The following MAP4K5 variants were observed in gnomAD, a reference collection of about 807,000 sequenced individuals.
The protein encoded by MAP4K5 is MAPK/ERK kinase kinase kinase 5.
A neutral mutation model predicts 135.6 loss-of-function variants in MAP4K5; 82 were observed. That is an observed-to-expected ratio of 0.60 (90% CI 0.51 to 0.73). The LOEUF (loss-of-function observed/expected upper bound fraction) is 0.73. Among genes scored for constraint, MAP4K5 ranks in the 30% least tolerant of loss-of-function variants. The pLI is 0.00. For synonymous variants in MAP4K5, 347 were observed against 335.0 expected (o/e 1.04, Z -0.39); for missense variants, 907 against 1,010.9 (o/e 0.90, Z 1.39).
At chr14:50,482,574 C>T (rs2037270126) in intron 5 of MAP4K5, 158 bp from the exon 6 acceptor site, 9 of 503,416 alleles carry the variant, frequency 1.8e-5, no homozygotes, top group Middle Eastern at 5.7e-4. Flanking sequence ...GTCAAGAGCT[C>T]GAGACTATCC....
At chr14:50,469,356 G>A (rs1191894378) in intron 9 of MAP4K5, among the ~76,000 whole-genome samples, 1 of 152,182 alleles carries the variant, frequency 6.6e-6, no homozygotes, top group Non-Finnish European at 1.5e-5. Flanking sequence ...AAATAAGTCT[G>A]TAATGGACAG....
At chr14:50,512,052 T>A (rs1367889094) in intron 2 of MAP4K5, among the ~76,000 whole-genome samples, 1 of 152,092 alleles carries the variant, frequency 6.6e-6, no homozygotes, top group Non-Finnish European at 1.5e-5. Flanking sequence ...TGAACTATAG[T>A]TAATAATATA....
Position 50,437,458 on chromosome 14 carries a change from G to C in MAP4K5, c.1882+18C>G, listed in dbSNP as rs1363192079. On this transcript the variant is annotated intron_variant, in intron 26 of 32. Coordinates refer to ENST00000682126, the MANE Select transcript of MAP4K5 (RefSeq NM_006575.6). ...TAAAAGTTCTAACCATTCAGTTTGA[G>C]AAATACCATTTACTCACCTATGCAA... The C allele has an allele frequency of 6.3e-7, 1 of 1,575,700 alleles. No individual in the cohort carries two copies. Among genetic ancestry groups the C allele is most frequent in the Admixed American group, 1.8e-5 (1 of 55,884 alleles).
intron 21 of MAP4K5, among the ~76,000 whole-genome samples, chr14:50,442,078 G>C (rs1313138263): frequency 1.3e-5 from 2 of 152,026 alleles, no homozygotes; most frequent in African/African-American, 4.8e-5. Flanking sequence ...TCCAAACCCA[G>C]ATTTATTTGA....
At chr14:50,523,892 C>A (rs1400649664) in intron 2 of MAP4K5, among the ~76,000 whole-genome samples, 1 of 152,152 alleles carries the variant, frequency 6.6e-6, no homozygotes, top group Admixed American at 6.5e-5. Context: ...CATCCCAGCT[C>A]CCATTCATTA....
chr14:50,489,787 A>G (rs1333327992), intron 3 of MAP4K5, among the ~76,000 whole-genome samples: 1 of 152,084 alleles, frequency 6.6e-6, no homozygotes, highest in Non-Finnish European at 1.5e-5. Flanking sequence ...AACCATGGAG[A>G]CTCGGTCAGT....
Position 50,445,261 on chromosome 14 carries a change from G to C in MAP4K5, c.1186-67C>G. 6 of 1,455,686 alleles carry C rather than the reference G, an allele frequency of 4.1e-6. No homozygotes were observed. In the South Asian group the frequency reaches 7.6e-5, roughly 18 times the overall value. The allele number at this position is 1,455,686 out of a possible 1,614,324, so 90.2% of individuals were successfully genotyped here. A position where few individuals can be genotyped will look rare whatever the true frequency, so the allele number is the denominator to read the frequency against. On this transcript the variant is annotated intron_variant, in intron 17 of 32. Transcript: ENST00000682126. ...TAGGCATCAGAGTCTTTAGGGAAAGGGAAATGCACCTTTTTTCATTCTTCT... is the reference window on the plus strand; with the variant it reads ...TAGGCATCAGAGTCTTTAGGGAAAGCGAAATGCACCTTTTTTCATTCTTCT...
At chr14:50,516,745 G>A (rs1271781407) in intron 2 of MAP4K5, among the ~76,000 whole-genome samples, 2 of 152,048 alleles carry the variant, frequency 1.3e-5, no homozygotes, top group African/African-American at 2.4e-5. Context: ...GCTTTTCTGC[G>A]ATAAGCAAAT....
At chr14:50,422,513 G>C (rs2035756093) in intron 32 of MAP4K5, among the ~76,000 whole-genome samples, 1 of 151,938 alleles carries the variant, frequency 6.6e-6, no homozygotes, top group Admixed American at 6.6e-5. Context: ...GGGAAAAGAG[G>C]AAGGAATGGG....
chr14:50,485,665 T>C (rs1469107182), intron 4 of MAP4K5, 23 bp from the exon 5 acceptor site: 2 of 1,382,358 alleles, frequency 1.4e-6, no homozygotes, highest in East Asian at 5.0e-5. Context: ...AAAAAGAAAA[T>C]TATATTAGCT....
At chr14:50,428,190 T>C (rs2035887057) in intron 30 of MAP4K5, among the ~76,000 whole-genome samples, 1 of 152,194 alleles carries the variant, frequency 6.6e-6, no homozygotes, top group African/African-American at 2.4e-5. Context: ...AATGTAGCAC[T>C]AATCATGTTT....
chr14:50,506,970 C>T (rs78507987), intron 2 of MAP4K5, among the ~76,000 whole-genome samples: 279 of 152,226 alleles, frequency 1.8e-3, no homozygotes, highest in African/African-American at 6.4e-3. Context: ...GCTATGTGCA[C>T]GTAGATTTAG....
At chr14:50,530,719 C>T (rs1247163315) in intron 2 of MAP4K5, among the ~76,000 whole-genome samples, 1 of 152,202 alleles carries the variant, frequency 6.6e-6, no homozygotes. Context: ...CAATTCATCA[C>T]CTCAGTACCT....
At chr14:50,509,539 T>C (rs1401217313) in intron 2 of MAP4K5, among the ~76,000 whole-genome samples, 5 of 152,174 alleles carry the variant, frequency 3.3e-5, no homozygotes, top group Admixed American at 3.3e-4. Flanking sequence ...ACACATTTAA[T>C]GTCTTAAAGA....
At chr14:50,481,115 G>A (rs1233747317) in intron 6 of MAP4K5, among the ~76,000 whole-genome samples, 1 of 151,162 alleles carries the variant, frequency 6.6e-6, no homozygotes, top group Non-Finnish European at 1.5e-5. Flanking sequence ...AATACTTAGG[G>A]AAACAATGAA....
Position 50,440,059 on chromosome 14 carries a change from C to T in MAP4K5, c.1659G>A (p.Lys553=). The stretch of plus-strand genomic sequence containing the variant: ...TATTGATAACATACAGCCAAGTACA[C>T]TTCCGTGGAAATAACTAAGAAAAAG... The part of the protein sequence containing the change: ...EATMEQLFPR[K]CTWLYVINNT... The change falls in exon 23 of 33, where the codon AAG becomes AAA. Residue 553 remains lysine (K), a synonymous_variant. Coordinates refer to ENST00000682126, the MANE Select transcript of MAP4K5 (RefSeq NM_006575.6). 3.3e-6 allele frequency: 5 copies of T among 1,525,120 alleles called. No homozygotes were observed. Among genetic ancestry groups the T allele is most frequent in the Non-Finnish European group, 4.5e-6 (5 of 1,117,190 alleles). The allele number at this position is 1,525,120 out of a possible 1,614,324, so 94.5% of individuals were successfully genotyped here.
intron 9 of MAP4K5, among the ~76,000 whole-genome samples, chr14:50,469,426 G>C (rs1454898987): frequency 6.6e-6 from 1 of 152,152 alleles, no homozygotes; most frequent in Non-Finnish European, 1.5e-5. Flanking sequence ...CTCAGAAGTA[G>C]AGGCTAGATT....
In MAP4K5 at chr14:50,527,402, C is replaced by T. The variant is rs983396484; in HGVS notation, c.108+4540G>A. On this transcript the variant is annotated intron_variant, in intron 2 of 32. Transcript: ENST00000682126. ...TCTAGCCTGGGCAAAAGAGCAAGAC[C>T]CTGTCATCCAAAAAAAAAAAAAAAT... 3.4e-5 allele frequency among the ~76,000 whole-genome samples: 5 copies of T among 147,754 alleles called. No individual in the cohort carries two copies. In the East Asian group the frequency reaches 9.7e-4, roughly 29 times the overall value.
chr14:50,446,085 A>G lies in MAP4K5; in HGVS notation c.1179T>C (p.Pro393=). Residue 393 remains proline, a synonymous_variant, in exon 17 of 33, where the codon CCT becomes CCC. Coordinates refer to ENST00000682126, the MANE Select transcript of MAP4K5 (RefSeq NM_006575.6). ...AAATCATTAAGTAGCTCACCTTAGGAGGTAGGGGAGGTGGTATTGCACGTT... is the reference window on the plus strand; with the variant it reads ...AAATCATTAAGTAGCTCACCTTAGGGGGTAGGGGAGGTGGTATTGCACGTT... The part of the protein sequence containing the change: ...TSKRAIPPPL[P]PKPRISSYPE... 6.4e-7 allele frequency: 1 copy of G among 1,564,384 alleles called. No homozygotes were observed. The highest frequency in any genetic ancestry group is 1.2e-5 in the South Asian group (1 of 82,538).
Sources: allele counts gnomAD v4.1 joint callset (sites outside exome capture counted in the v4.1 genomes callset), GRCh38; gene constraint gnomAD v4.1.1; transcripts MANE v1.5; gene names NCBI Gene and HGNC (gene_info 2026-07-23, HGNC 2026-07-21).